The following FAF1 variants were observed in gnomAD, a reference collection of about 807,000 sequenced individuals.
FAF1 encodes FAS-associated factor 1.
A neutral mutation model predicts 92.5 loss-of-function variants in FAF1; 25 were observed. The ratio of observed to expected loss-of-function variants is 0.27; its 90% confidence interval spans 0.20 to 0.38. FAF1 has a LOEUF of 0.38. Among genes scored for constraint, FAF1 ranks in the 10% least tolerant of loss-of-function variants. The pLI is 1.00. For synonymous variants in FAF1, 234 were observed against 273.2 expected, an observed-to-expected ratio of 0.86 and a Z score of 1.42; for missense variants, 636 against 793.3, an observed-to-expected ratio of 0.80 and a Z score of 2.38.
chr1:50,919,612 C>T (rs1312007262), intron 1 of FAF1, among the ~76,000 whole-genome samples: 3 of 151,778 alleles, frequency 2.0e-5, no homozygotes, highest in African/African-American at 4.8e-5. Flanking sequence ...CTCAGCCTCC[C>T]GAGTAGCTGG....
At chr1:50,654,251 A>G (rs1007033251) in intron 8 of FAF1, among the ~76,000 whole-genome samples, 3 of 152,198 alleles carry the variant, frequency 2.0e-5, no homozygotes, top group Non-Finnish European at 4.4e-5. Flanking sequence ...AGGCATAATC[A>G]TTATTTCAGT....
At chr1:50,699,412 ATT>A (rs892687643) in intron 7 of FAF1, among the ~76,000 whole-genome samples, 1 of 152,058 alleles carries the variant, frequency 6.6e-6, no homozygotes, top group African/African-American at 2.4e-5. Flanking sequence ...GTGTGAAAAT[ATT>A]GTTTGAAAGC....
intron 17 of FAF1, among the ~76,000 whole-genome samples, chr1:50,479,116 G>T (rs1393213978): frequency 6.6e-6 from 1 of 152,158 alleles, no homozygotes; most frequent in Admixed American, 6.5e-5. Flanking sequence ...ACAGACATGC[G>T]TTCAAATCCT....
chr1:50,604,633 G>A (rs1652293416), intron 8 of FAF1, among the ~76,000 whole-genome samples: 1 of 152,114 alleles, frequency 6.6e-6, no homozygotes, highest in Non-Finnish European at 1.5e-5. Flanking sequence ...TCAGCCTCCT[G>A]TGTGGCTGAG....
rs754159709 is a variant in FAF1, at chr1:50,596,128, G to A, written c.833C>T (p.Ser278Leu). 1.6e-5 allele frequency: 26 copies of A among 1,612,464 alleles called. No individual in the cohort carries two copies. In the African/African-American group the frequency reaches 1.7e-4, roughly 11 times the overall value. The change falls in exon 9 of 19, where the codon TCG becomes TTG. Residue 278 changes from serine (S) to leucine (L), a missense_variant. Physicochemically the swap from Ser to Leu is moderately radical, Grantham distance 145 (BLOSUM62 -2). Coordinates refer to ENST00000396153, the MANE Select transcript of FAF1 (RefSeq NM_007051.3). ...GCTGGCAAACAGGCTTACTTCTTCC[G>A]ACTGTTCCCGGGTCTGTGCAGGTGA... ...RSSPAQTREQ[S>L]EEQITDVHMV...
intron 7 of FAF1, among the ~76,000 whole-genome samples, chr1:50,679,413 TTAA>T (rs1358412222): frequency 6.6e-6 from 1 of 151,410 alleles, no homozygotes; most frequent in Non-Finnish European, 1.5e-5. Flanking sequence ...AGTAACCCTA[TTAA>T]ATAGATGGCA....
intron 1 of FAF1, among the ~76,000 whole-genome samples, chr1:50,863,733 G>C (rs1644455311): frequency 6.6e-6 from 1 of 151,994 alleles, no homozygotes; most frequent in Non-Finnish European, 1.5e-5. Flanking sequence ...GAGTTAGGGA[G>C]GATTCCCTCT....
At chr1:50,920,202 G>A (rs559358412) in intron 1 of FAF1, among the ~76,000 whole-genome samples, 3 of 152,070 alleles carry the variant, frequency 2.0e-5, no homozygotes, top group Non-Finnish European at 4.4e-5. Context: ...TCGGGAGGCT[G>A]AGGCAGGAGA....
chr1:50,673,529 G>C (rs1030181790), intron 7 of FAF1, among the ~76,000 whole-genome samples: 2 of 152,148 alleles, frequency 1.3e-5, no homozygotes, highest in African/African-American at 4.8e-5. Flanking sequence ...GTATGCTCAT[G>C]GTGGTAAGGG....
intron 3 of FAF1, among the ~76,000 whole-genome samples, chr1:50,800,307 G>A (rs1005878217): frequency 6.6e-6 from 1 of 152,118 alleles, no homozygotes; most frequent in African/African-American, 2.4e-5. Context: ...CACAGATTTT[G>A]CATAGCAAAA....
chr1:50,454,879 C>T (rs1348226991), intron 18 of FAF1, among the ~76,000 whole-genome samples: 1 of 152,210 alleles, frequency 6.6e-6, no homozygotes, highest in East Asian at 1.9e-4. Context: ...TTACTGGCTA[C>T]CTATCCCCAG....
At chr1:50,730,700 A>T (rs1300787221) in intron 6 of FAF1, among the ~76,000 whole-genome samples, 3 of 152,226 alleles carry the variant, frequency 2.0e-5, no homozygotes, top group African/African-American at 7.2e-5. Context: ...CAAATGGCTC[A>T]GGCCAGTGGT....
At chr1:50,721,926 G>A (rs1048903034) in intron 6 of FAF1, among the ~76,000 whole-genome samples, 56 of 152,068 alleles carry the variant, frequency 3.7e-4, no homozygotes, top group African/African-American at 1.3e-3. Flanking sequence ...GCCTGGCCAG[G>A]TCTCCTTTTC....
At chr1:50,942,906 T>A (rs1175332623) in intron 1 of FAF1, among the ~76,000 whole-genome samples, 1 of 152,162 alleles carries the variant, frequency 6.6e-6, no homozygotes, top group Non-Finnish European at 1.5e-5. Flanking sequence ...ACTGTAAGCA[T>A]ACCTGACCTT....
chr1:50,799,439 C>T (rs866352455), intron 3 of FAF1, among the ~76,000 whole-genome samples: 1 of 152,006 alleles, frequency 6.6e-6, no homozygotes, highest in Non-Finnish European at 1.5e-5. Context: ...CATATACCCT[C>T]TTGGATTCAC....
intron 18 of FAF1, among the ~76,000 whole-genome samples, chr1:50,472,368 T>TACACACACACACACACACACAC (rs71850142): frequency 1.6e-5 from 2 of 123,950 alleles, no homozygotes; most frequent in African/African-American, 3.1e-5. Context: ...GGGGAAAACA[T>TACACACACACACACACACACAC]ACACACACAC....
intron 2 of FAF1, among the ~76,000 whole-genome samples, chr1:50,819,768 TATATATATA>T: frequency 1.3e-5 from 1 of 74,236 alleles, no homozygotes; most frequent in Non-Finnish European, 2.8e-5. Context: ...TATATACGTA[TATATATATA>T]CATATATATA....
Position 50,664,514 on chromosome 1 carries a change from G to A in FAF1, c.658-8986C>T, listed in dbSNP as rs866990051. The stretch of plus-strand genomic sequence containing the variant: ...TATAAAACAACTAAACAGAAGGCTG[G>A]GGGCGGTGGCTCATGCCTGTAATCC... On this transcript the variant is annotated intron_variant, in intron 7 of 18. Coordinates refer to ENST00000396153, the MANE Select transcript of FAF1 (RefSeq NM_007051.3). Among the ~76,000 whole-genome samples the A allele has an allele frequency of 8.7e-5, 13 of 149,834 alleles. 1 individual carries two copies. The highest frequency in any genetic ancestry group is 4.2e-4 in the South Asian group (2 of 4,818).
chr1:50,574,468 A>T (rs2149061075), intron 12 of FAF1, among the ~76,000 whole-genome samples: 1 of 152,300 alleles, frequency 6.6e-6, no homozygotes, highest in South Asian at 2.1e-4. Context: ...TAGTCTCTTA[A>T]AAGTGCAGGA....
Sources: gnomAD v4.1 joint callset for allele counts (sites outside exome capture counted in the v4.1 genomes callset) on GRCh38, gnomAD v4.1.1 for gene constraint, MANE v1.5 for transcripts, NCBI Gene and HGNC (gene_info 2026-07-23, HGNC 2026-07-21) for gene names.